Variants in ERBIN observed in about 807,000 individuals in gnomAD.
The protein encoded by ERBIN is erbb2 interacting protein, also known as densin-180-like protein.
A neutral mutation model predicts 158.4 loss-of-function variants in ERBIN; 60 were observed. That is an observed-to-expected ratio of 0.38 (90% CI 0.31 to 0.47). ERBIN has a LOEUF of 0.47. Among genes scored for constraint, ERBIN ranks in the 20% least tolerant of loss-of-function variants. The pLI, the probability that ERBIN is intolerant of heterozygous loss-of-function variation, is 0.99. For synonymous variants in ERBIN, 594 were observed against 557.2 expected, an observed-to-expected ratio of 1.07 and a Z score of -0.93; for missense variants, 1,610 against 1,648.0, an observed-to-expected ratio of 0.98 and a Z score of 0.40.
At chr5:65,977,285 G>A (rs1262381869) in intron 1 of ERBIN, among the ~76,000 whole-genome samples, 1 of 150,710 alleles carries the variant, frequency 6.6e-6, no homozygotes, top group Non-Finnish European at 1.5e-5. Flanking sequence ...GCGGCTGGCC[G>A]GGCGGGGGGC....
At chr5:66,015,733 A>C (rs571295989) in intron 7 of ERBIN, among the ~76,000 whole-genome samples, 1 of 152,288 alleles carries the variant, frequency 6.6e-6, no homozygotes, top group East Asian at 1.9e-4. Flanking sequence ...GCTACTCTGG[A>C]GGCTGAGGAG....
At chr5:65,957,237 T>TA (rs1747260732) in intron 1 of ERBIN, among the ~76,000 whole-genome samples, 1 of 151,970 alleles carries the variant, frequency 6.6e-6, no homozygotes, top group Non-Finnish European at 1.5e-5. Context: ...TTATTTTTTT[T>TA]ATTGATCATT....
intron 9 of ERBIN, 31 bp from the exon 10 acceptor site, chr5:66,024,275 G>A (rs747014727): frequency 1.5e-6 from 2 of 1,374,462 alleles, no homozygotes; most frequent in African/African-American, 3.0e-5. Flanking sequence ...AATGTTAATA[G>A]AGTCATTAGA....
chr5:66,076,443 A>T (rs774530015), intron 24 of ERBIN, 35 bp downstream of exon 24: 4 of 1,469,976 alleles, frequency 2.7e-6, no homozygotes, highest in Non-Finnish European at 3.8e-6. Context: ...AAACACCTAT[A>T]AAGTTTTATT....
intron 4 of ERBIN, among the ~76,000 whole-genome samples, chr5:66,000,824 CAA>C (rs1312477218): frequency 6.6e-6 from 1 of 152,056 alleles, no homozygotes; most frequent in Admixed American, 6.5e-5. Flanking sequence ...TGAAAGGAGA[CAA>C]GAGACTATGA....
intron 1 of ERBIN, among the ~76,000 whole-genome samples, chr5:65,970,896 A>G (rs1329277765): frequency 6.6e-6 from 1 of 152,114 alleles, no homozygotes; most frequent in Non-Finnish European, 1.5e-5. Flanking sequence ...TTTTATCTAA[A>G]ATTAGAAACT....
At chr5:65,981,072 G>T (rs1750606525) in intron 1 of ERBIN, among the ~76,000 whole-genome samples, 1 of 152,150 alleles carries the variant, frequency 6.6e-6, no homozygotes, top group Non-Finnish European at 1.5e-5. Context: ...TCAAAGGCTT[G>T]AAATGATAGT....
chr5:66,061,413 C>T (rs1462939334), intron 21 of ERBIN, among the ~76,000 whole-genome samples: 3 of 152,058 alleles, frequency 2.0e-5, no homozygotes, highest in South Asian at 4.1e-4. Context: ...TTCCTCCATC[C>T]GTTTGTTTTG....
intron 17 of ERBIN, 86 bp from the exon 18 acceptor site, chr5:66,046,267 C>A (rs1356990656): frequency 9.0e-6 from 7 of 781,454 alleles, no homozygotes; most frequent in African/African-American, 8.8e-5. Flanking sequence ...TGGAAGTTGG[C>A]AAATTGCTTA....
intron 1 of ERBIN, among the ~76,000 whole-genome samples, chr5:65,970,543 C>A (rs1311591628): frequency 6.6e-6 from 1 of 152,138 alleles, no homozygotes; most frequent in Non-Finnish European, 1.5e-5. Context: ...TGACTGTTTT[C>A]CCTTACCACC....
chr5:66,062,273 A>T (rs866666419), intron 21 of ERBIN, among the ~76,000 whole-genome samples: 16 of 151,886 alleles, frequency 1.1e-4, no homozygotes, highest in African/African-American at 3.4e-4. Flanking sequence ...ACTTCTCTTC[A>T]CGCTTCATTT....
At chr5:66,061,570 A>C (rs1407935167) in intron 21 of ERBIN, among the ~76,000 whole-genome samples, 6 of 152,176 alleles carry the variant, frequency 3.9e-5, no homozygotes, top group Non-Finnish European at 1.5e-5. Context: ...TTATGTGTGA[A>C]TTTGATCCTG....
chr5:66,029,793 C>T (rs893923482), intron 14 of ERBIN, among the ~76,000 whole-genome samples: 17 of 151,832 alleles, frequency 1.1e-4, no homozygotes, highest in African/African-American at 4.1e-4. Context: ...TTAGTAGAAA[C>T]AGGGCCAGGA....
At chr5:66,009,861 A>G (rs1373612140) in intron 4 of ERBIN, among the ~76,000 whole-genome samples, 1 of 152,224 alleles carries the variant, frequency 6.6e-6, no homozygotes, top group Non-Finnish European at 1.5e-5. Flanking sequence ...AAATTTTAAA[A>G]CTTAGATTAA....
intron 1 of ERBIN, among the ~76,000 whole-genome samples, chr5:65,927,830 C>G (rs186620206): frequency 6.6e-6 from 1 of 152,270 alleles, no homozygotes; most frequent in Admixed American, 6.5e-5. Context: ...CACTTCTGAA[C>G]CAATGGGGAC....
chr5:65,938,221 A>T (rs1744327588), intron 1 of ERBIN, among the ~76,000 whole-genome samples: 1 of 152,132 alleles, frequency 6.6e-6, no homozygotes, highest in Admixed American at 6.6e-5. Context: ...CAATTGCATT[A>T]TTATCTGGCT....
intron 21 of ERBIN, among the ~76,000 whole-genome samples, chr5:66,055,651 T>G (rs1208549223): frequency 6.6e-6 from 1 of 152,184 alleles, no homozygotes; most frequent in African/African-American, 2.4e-5. Context: ...CATAGTCATA[T>G]GGCCCAAGTG....
chr5:66,048,755 T>TC lies in ERBIN; in HGVS notation c.1878dup (p.Val627ArgfsTer4). The TC allele has an allele frequency of 6.2e-7, 1 of 1,602,110 alleles. No individual in the cohort carries two copies. Among genetic ancestry groups the TC allele is most frequent in the South Asian group, 1.1e-5 (1 of 87,684 alleles). ...GAAACCTCTATTAACCAGCCAAAAGTCGTAGCACTTAGTAATAACAAAAAA... is the reference window on the plus strand; with the variant it reads ...GAAACCTCTATTAACCAGCCAAAAGTCCGTAGCACTTAGTAATAACAAAAAA... On this transcript the variant is annotated frameshift_variant, in exon 19 of 26. Coordinates refer to ENST00000284037, the MANE Select transcript of ERBIN (RefSeq NM_001253697.2). LOFTEE classifies it high-confidence loss of function.
intron 22 of ERBIN, among the ~76,000 whole-genome samples, chr5:66,072,851 C>A (rs1761651580): frequency 6.6e-6 from 1 of 152,056 alleles, no homozygotes; most frequent in Non-Finnish European, 1.5e-5. Flanking sequence ...TAACTGATTC[C>A]ATGCCTCTAG....
Sources: allele counts gnomAD v4.1 joint callset (sites outside exome capture counted in the v4.1 genomes callset), GRCh38; gene constraint gnomAD v4.1.1; transcripts MANE v1.5; gene names NCBI Gene and HGNC (gene_info 2026-07-23, HGNC 2026-07-21).